Variants in LRIG1 observed in about 807,000 individuals in gnomAD.
The protein encoded by LRIG1 is leucine rich repeats and immunoglobulin like domains 1.
Under a neutral mutation model 99.2 loss-of-function variants are expected in LRIG1, and 48 were observed. That is an observed-to-expected ratio of 0.48 (90% CI 0.38 to 0.62). The LOEUF is 0.62. Ranked by LOEUF, LRIG1 falls within the 20% of genes least tolerant of loss-of-function variation. The probability of loss-of-function intolerance (pLI) is 0.00; values close to 1 mark genes in which losing one functional copy is unlikely to be tolerated. For missense variants in LRIG1, 1,646 were observed against 1,434.4 expected (o/e 1.15, Z -2.38); for synonymous variants, 772 against 596.1 (o/e 1.29, Z -4.30).
chr3:66,457,174 A>G (rs3845901), intron 2 of LRIG1, among the ~76,000 whole-genome samples: 152,337 of 152,338 alleles, frequency 1, 76,168 homozygotes, highest in Non-Finnish European at 1. Context: ...GGCTCTATAA[A>G]GTTTGGGAGA....
chr3:66,416,755 C>T (rs1702627753), intron 4 of LRIG1, among the ~76,000 whole-genome samples: 2 of 152,196 alleles, frequency 1.3e-5, no homozygotes, highest in Non-Finnish European at 2.9e-5. Flanking sequence ...ATCCTCTAAC[C>T]ATCCTCCCTG....
intron 2 of LRIG1, among the ~76,000 whole-genome samples, chr3:66,458,940 C>T (rs546736549): frequency 4.0e-5 from 6 of 149,038 alleles, no homozygotes; most frequent in East Asian, 4.0e-4. Context: ...TCACTTGAAC[C>T]GAAGAGGCGG....
chr3:66,414,418 A>AAAT (rs144604186), intron 5 of LRIG1, among the ~76,000 whole-genome samples: 8 of 151,298 alleles, frequency 5.3e-5, no homozygotes, highest in Middle Eastern at 3.2e-3. Context: ...ATAAATAAAT[A>AAAT]AATAATAATA....
chr3:66,468,140 T>C (rs773017251), intron 1 of LRIG1, among the ~76,000 whole-genome samples: 33 of 152,168 alleles, frequency 2.2e-4, no homozygotes, highest in Non-Finnish European at 4.6e-4. Context: ...TATTACAAAC[T>C]TGGCAAATGT....
At chr3:66,426,587 TCA>T (rs1437428352) in intron 3 of LRIG1, among the ~76,000 whole-genome samples, 3 of 152,232 alleles carry the variant, frequency 2.0e-5, no homozygotes, top group African/African-American at 7.2e-5. Flanking sequence ...ACATCACTAA[TCA>T]CAGTCTTTTC....
intron 5 of LRIG1, among the ~76,000 whole-genome samples, chr3:66,414,319 C>T (rs941796506): frequency 6.6e-6 from 1 of 152,032 alleles, no homozygotes; most frequent in Non-Finnish European, 1.5e-5. Context: ...ATGGTGTGAA[C>T]CCCGGGGGCG....
intron 1 of LRIG1, among the ~76,000 whole-genome samples, chr3:66,465,884 G>A (rs533022831): frequency 3.0e-4 from 45 of 152,030 alleles, no homozygotes; most frequent in Non-Finnish European, 6.0e-4. Flanking sequence ...CCTAGCCCCT[G>A]GCAACCACCA....
chr3:66,419,514 G>A (rs1702735717), intron 3 of LRIG1, among the ~76,000 whole-genome samples: 1 of 152,138 alleles, frequency 6.6e-6, no homozygotes, highest in Non-Finnish European at 1.5e-5. Context: ...AGTGCACAAG[G>A]TGCCAGGGCG....
At chr3:66,406,598 C>T (rs1009113587) in intron 8 of LRIG1, among the ~76,000 whole-genome samples, 16 of 152,328 alleles carry the variant, frequency 1.1e-4, no homozygotes, top group African/African-American at 2.6e-4. Flanking sequence ...CCCTAGAACC[C>T]GCCACCACTG....
At chr3:66,382,648 C>G (rs765472740) in intron 15 of LRIG1, among the ~76,000 whole-genome samples, 16 of 152,178 alleles carry the variant, frequency 1.1e-4, no homozygotes, top group African/African-American at 3.9e-4. Flanking sequence ...GATGGAAAGC[C>G]GGGGCTCACA....
At chr3:66,450,711 C>G (rs1028236011) in intron 3 of LRIG1, among the ~76,000 whole-genome samples, 2 of 152,156 alleles carry the variant, frequency 1.3e-5, no homozygotes, top group African/African-American at 2.4e-5. Flanking sequence ...GGTGAGCAAA[C>G]TAATTATAAA....
At chr3:66,422,373 T>C (rs1253971849) in intron 3 of LRIG1, among the ~76,000 whole-genome samples, 6 of 152,370 alleles carry the variant, frequency 3.9e-5, no homozygotes, top group Admixed American at 2.0e-4. Flanking sequence ...ACATCTTTAA[T>C]GCTTTACTGC....
intron 1 of LRIG1, among the ~76,000 whole-genome samples, chr3:66,481,681 C>T (rs1377028433): frequency 6.6e-6 from 1 of 152,194 alleles, no homozygotes; most frequent in East Asian, 1.9e-4. Flanking sequence ...CTTTCAATAC[C>T]AAATTACTCC....
intron 1 of LRIG1, among the ~76,000 whole-genome samples, chr3:66,494,728 C>A (rs1358171399): frequency 6.6e-6 from 1 of 152,168 alleles, no homozygotes; most frequent in Non-Finnish European, 1.5e-5. Context: ...ATACCCACCA[C>A]CCCCTACAAA....
chr3:66,384,100 G>A lies in LRIG1; in HGVS notation c.1962C>T (p.Asp654=), dbSNP rs771674613. The change falls in exon 14 of 19, where the codon GAC becomes GAT. Residue 654 remains aspartate, a synonymous_variant. Coordinates refer to ENST00000273261, the MANE Select transcript of LRIG1 (RefSeq NM_015541.3). ...TCACATCAGTGATGAAAAACACGTC[G>A]TCATCCGGCATGACATGCATGCGTC... The part of the protein sequence containing the change: ...RERRMHVMPD[D]DVFFITDVKI... 53 of 1,614,032 alleles carry A rather than the reference G, an allele frequency of 3.3e-5. No individual in the cohort carries two copies. The Admixed American group carries it at 3.3e-4, about 10-fold the overall frequency.
chr3:66,427,656 T>C (rs1164714202), intron 3 of LRIG1, among the ~76,000 whole-genome samples: 5 of 152,194 alleles, frequency 3.3e-5, no homozygotes, highest in African/African-American at 1.2e-4. Flanking sequence ...TTTTTTAAAA[T>C]TGCAGCACTA....
intron 9 of LRIG1, among the ~76,000 whole-genome samples, chr3:66,399,800 C>T (rs1701991114): frequency 6.6e-6 from 1 of 152,156 alleles, no homozygotes; most frequent in Non-Finnish European, 1.5e-5. Flanking sequence ...CCCAAACTGC[C>T]ACCCACTTCT....
At chr3:66,384,313 T>C (rs1359598048) in intron 13 of LRIG1, 41 bp from the exon 14 acceptor site, 2 of 1,579,960 alleles carry the variant, frequency 1.3e-6, no homozygotes, top group Non-Finnish European at 1.7e-6. Context: ...ACGGGACAGC[T>C]AGATGCAAAA....
chr3:66,429,304 C>G (rs551643860), intron 3 of LRIG1, among the ~76,000 whole-genome samples: 43 of 152,322 alleles, frequency 2.8e-4, no homozygotes, highest in African/African-American at 9.6e-4. Flanking sequence ...GTACGATCAA[C>G]AGCTGGCCAC....
Sources: allele counts gnomAD v4.1 joint callset (sites outside exome capture counted in the v4.1 genomes callset), GRCh38; gene constraint gnomAD v4.1.1; transcripts MANE v1.5; gene names NCBI Gene and HGNC (gene_info 2026-07-23, HGNC 2026-07-21).